Variants in CSGALNACT1 observed in about 807,000 individuals in gnomAD.
The protein encoded by CSGALNACT1 is chondroitin sulfate N-acetylgalactosaminyltransferase 1, also known as beta4GalNAcT-1.
CSGALNACT1 carries 52 observed loss-of-function variants against 51.0 expected under a neutral mutation model. The observed-to-expected ratio is 1.02, with a 90% confidence interval of 0.82 to 1.29. CSGALNACT1 has a LOEUF of 1.29. CSGALNACT1 is among the 50% of genes most tolerant of loss of function. The probability of loss-of-function intolerance (pLI) is 0.00; values close to 1 mark genes in which losing one functional copy is unlikely to be tolerated. For synonymous variants in CSGALNACT1, 341 were observed against 254.4 expected (o/e 1.34, Z -3.24); for missense variants, 935 against 679.2 (o/e 1.38, Z -4.19).
intron 5 of CSGALNACT1, among the ~76,000 whole-genome samples, chr8:19,447,362 G>A (rs1177898623): frequency 1.3e-5 from 2 of 152,158 alleles, no homozygotes; most frequent in African/African-American, 2.4e-5. Context: ...AATAGGCTGT[G>A]GGGAAGGACT....
At chr8:19,496,244 G>A (rs1465509014) in intron 4 of CSGALNACT1, among the ~76,000 whole-genome samples, 1 of 152,096 alleles carries the variant, frequency 6.6e-6, no homozygotes, top group South Asian at 2.1e-4. Context: ...TAAAAAGAAC[G>A]CCGTTTCTTT....
chr8:19,575,074 C>T (rs2043881694), intron 3 of CSGALNACT1, among the ~76,000 whole-genome samples: 1 of 152,104 alleles, frequency 6.6e-6, no homozygotes. Context: ...ATAATATGAC[C>T]GTTTTAGAGC....
At chr8:19,619,261 G>A (rs957999545) in intron 1 of CSGALNACT1, among the ~76,000 whole-genome samples, 2 of 146,402 alleles carry the variant, frequency 1.4e-5, no homozygotes, top group Admixed American at 6.8e-5. Flanking sequence ...GGGGGGGTGG[G>A]CCTTGAAAAA....
intron 1 of CSGALNACT1, among the ~76,000 whole-genome samples, chr8:19,710,542 A>C (rs1589637923): frequency 6.6e-6 from 1 of 152,238 alleles, no homozygotes; most frequent in East Asian, 1.9e-4. Context: ...TTCATTTAAA[A>C]ACAAATCTGA....
intron 1 of CSGALNACT1, among the ~76,000 whole-genome samples, chr8:19,688,489 C>A (rs912455488): frequency 2.6e-5 from 4 of 152,202 alleles, no homozygotes; most frequent in Non-Finnish European, 5.9e-5. Flanking sequence ...TGTTCTAAAG[C>A]AAATGTTTAA....
rs62493888 is a variant in CSGALNACT1 at position 19,530,080 on chromosome 8, G to A, written c.-296-23950C>T. Among the ~76,000 whole-genome samples, 285 of 151,878 alleles carry A rather than the reference G, an allele frequency of 1.9e-3. 1 individual carries two copies. The highest frequency in any genetic ancestry group is 6.8e-3 in the Middle Eastern group (2 of 292). Reference sequence around the variant, plus strand: ...ACTAAAAATACAAAATAATTAGCCAGGCATAGTGGTGCGTGCCTGTAATCC... The same window carrying A: ...ACTAAAAATACAAAATAATTAGCCAAGCATAGTGGTGCGTGCCTGTAATCC... On this transcript the variant is annotated intron_variant, in intron 3 of 9. Coordinates refer to ENST00000454498, the Ensembl canonical transcript of CSGALNACT1.
At chr8:19,667,495 T>C (rs567914504) in intron 1 of CSGALNACT1, among the ~76,000 whole-genome samples, 2 of 151,932 alleles carry the variant, frequency 1.3e-5, no homozygotes, top group East Asian at 3.9e-4. Flanking sequence ...AGTGAAGTGA[T>C]TTAATTATGA....
At chr8:19,755,626 G>A (rs2065322304) in intron 1 of CSGALNACT1, among the ~76,000 whole-genome samples, 1 of 152,158 alleles carries the variant, frequency 6.6e-6, no homozygotes. Flanking sequence ...GAAAGGGGAA[G>A]TAACTTGCCC....
intron 1 of CSGALNACT1, among the ~76,000 whole-genome samples, chr8:19,644,185 A>T (rs1009004781): frequency 1.3e-5 from 2 of 152,178 alleles, no homozygotes; most frequent in African/African-American, 4.8e-5. Flanking sequence ...GTGTGCACAC[A>T]GTGCACACAC....
chr8:19,634,578 C>T (rs569634981), intron 1 of CSGALNACT1, among the ~76,000 whole-genome samples: 1 of 152,308 alleles, frequency 6.6e-6, no homozygotes, highest in South Asian at 2.1e-4. Flanking sequence ...GGGTGGATCA[C>T]TTGAGCCCAG....
At chr8:19,589,616 C>A (rs1272469593) in intron 3 of CSGALNACT1, among the ~76,000 whole-genome samples, 1 of 152,168 alleles carries the variant, frequency 6.6e-6, no homozygotes, top group Non-Finnish European at 1.5e-5. Flanking sequence ...TAGGTGTTAG[C>A]CACCGTGCAC....
chr8:19,430,621 G>C (rs968692263), intron 6 of CSGALNACT1, among the ~76,000 whole-genome samples: 1 of 152,082 alleles, frequency 6.6e-6, no homozygotes, highest in African/African-American at 2.4e-5. Context: ...AATAAGTTTT[G>C]AAATTGAGAG....
chr8:19,551,385 A>G (rs1471316147), intron 3 of CSGALNACT1, among the ~76,000 whole-genome samples: 3 of 152,148 alleles, frequency 2.0e-5, no homozygotes, highest in Admixed American at 6.6e-5. Context: ...AAAGGCCCTT[A>G]CCAACCCCTT....
At chr8:19,467,916 T>G (rs2067094154) in intron 4 of CSGALNACT1, among the ~76,000 whole-genome samples, 1 of 152,212 alleles carries the variant, frequency 6.6e-6, no homozygotes. Context: ...AACCCAGGAG[T>G]TGGAGGCTGC....
At chr8:19,531,564 T>C in intron 3 of CSGALNACT1, among the ~76,000 whole-genome samples, 1 of 152,218 alleles carries the variant, frequency 6.6e-6, no homozygotes, top group South Asian at 2.1e-4. Context: ...CTAAGTAACC[T>C]TGGCAAATCA....
rs1210509757 is a variant in CSGALNACT1, at chr8:19,667,087, GAA to G, written c.-544+15384_-544+15385del. 9.6e-5 allele frequency among the ~76,000 whole-genome samples: 12 copies of G among 125,088 alleles called. 2 individuals carry two copies. Among genetic ancestry groups the G allele is most frequent in the African/African-American group, 3.0e-4 (10 of 33,422 alleles). The allele number at this position is 125,088 out of a possible 152,430, so 82.1% of individuals were successfully genotyped here. ...AGAAAGAAAGAAAGAAAGAAAGAAA[GAA>G]AGAAAGAAAGGGAAAGAAATCTCAT... On this transcript the variant is annotated intron_variant, in intron 1 of 9. Transcript: ENST00000332246.
At chr8:19,578,527 C>A (rs1405453460) in intron 3 of CSGALNACT1, among the ~76,000 whole-genome samples, 1 of 152,138 alleles carries the variant, frequency 6.6e-6, no homozygotes, top group Non-Finnish European at 1.5e-5. Flanking sequence ...GGTAGCTTAG[C>A]CTGTGCTTTA....
intron 3 of CSGALNACT1, among the ~76,000 whole-genome samples, chr8:19,574,884 A>C (rs1170231564): frequency 6.6e-6 from 1 of 151,980 alleles, no homozygotes; most frequent in African/African-American, 2.4e-5. Context: ...AAAACACAAA[A>C]ATTAGCTGGA....
chr8:19,545,849 T>A (rs906820542), intron 3 of CSGALNACT1, among the ~76,000 whole-genome samples: 1 of 148,276 alleles, frequency 6.7e-6, no homozygotes, highest in Non-Finnish European at 1.5e-5. Flanking sequence ...TATATAATAG[T>A]TATATACTAT....
Sources: allele counts gnomAD v4.1 joint callset (sites outside exome capture counted in the v4.1 genomes callset), GRCh38; gene constraint gnomAD v4.1.1; transcripts MANE v1.5; gene names NCBI Gene and HGNC (gene_info 2026-07-23, HGNC 2026-07-21).